Variants in TRPM3 observed in about 807,000 individuals in gnomAD.
TRPM3 encodes the protein transient receptor potential cation channel subfamily M member 3, also known as long transient receptor potential channel 3.
Under a neutral mutation model 181.2 loss-of-function variants are expected in TRPM3, and 77 were observed. The ratio of observed to expected loss-of-function variants is 0.42; its 90% CI spans 0.35 to 0.51. The LOEUF is 0.51. Ranked by LOEUF, TRPM3 falls within the 20% of genes least tolerant of loss-of-function variation. The pLI, the probability that TRPM3 is intolerant of heterozygous loss-of-function variation, is 0.01. For missense variants in TRPM3, 1,759 were observed against 2,196.7 expected (o/e 0.80, Z 3.98); for synonymous variants, 745 against 796.4 (o/e 0.94, Z 1.09).
chr9:70,580,675 C>T (rs1028220565), intron 22 of TRPM3, among the ~76,000 whole-genome samples: 2 of 152,168 alleles, frequency 1.3e-5, no homozygotes, highest in Non-Finnish European at 2.9e-5. Context: ...ATAACAGTCC[C>T]TCTGTTTAGA....
chr9:71,235,778 T>C (rs1405258450), intron 1 of TRPM3, among the ~76,000 whole-genome samples: 2 of 152,212 alleles, frequency 1.3e-5, no homozygotes, highest in Non-Finnish European at 1.5e-5. Context: ...AATCTGGATG[T>C]TTCCCAGAAA....
chr9:70,942,261 T>C (rs1473237851), intron 1 of TRPM3, among the ~76,000 whole-genome samples: 1 of 152,192 alleles, frequency 6.6e-6, no homozygotes, highest in Non-Finnish European at 1.5e-5. Context: ...AAACAAACAG[T>C]TAGGTATGTA....
At chr9:70,907,058 C>T (rs1012519818) in intron 1 of TRPM3, among the ~76,000 whole-genome samples, 7 of 152,158 alleles carry the variant, frequency 4.6e-5, no homozygotes, top group African/African-American at 1.4e-4. Flanking sequence ...TATTACCTTA[C>T]TTTATAACAC....
intron 1 of TRPM3, among the ~76,000 whole-genome samples, chr9:71,446,223 G>A (rs903395581): frequency 6.6e-6 from 1 of 152,192 alleles, no homozygotes; most frequent in Non-Finnish European, 1.5e-5. Flanking sequence ...CAAGTGCTAA[G>A]AGAGTAAAAA....
chr9:71,309,859 T>A (rs2087749260), intron 1 of TRPM3, among the ~76,000 whole-genome samples: 1 of 152,106 alleles, frequency 6.6e-6, no homozygotes, highest in Non-Finnish European at 1.5e-5. Flanking sequence ...ATGCTATTTT[T>A]AAAAATTTCT....
At chr9:71,165,102 C>T (rs1000046705) in intron 1 of TRPM3, among the ~76,000 whole-genome samples, 3 of 152,146 alleles carry the variant, frequency 2.0e-5, no homozygotes, top group South Asian at 2.1e-4. Flanking sequence ...TCAGTATAGA[C>T]CAGCCCCGGA....
chr9:71,406,899 G>T (rs1228549554), intron 1 of TRPM3, among the ~76,000 whole-genome samples: 1 of 152,078 alleles, frequency 6.6e-6, no homozygotes, highest in African/African-American at 2.4e-5. Context: ...GGCTTAATAT[G>T]GGGAATTCAG....
chr9:70,950,119 T>C (rs894587779), intron 1 of TRPM3, among the ~76,000 whole-genome samples: 4 of 152,218 alleles, frequency 2.6e-5, no homozygotes, highest in Non-Finnish European at 5.9e-5. Context: ...CAAATTGAGA[T>C]GGTAAAGTCT....
At chr9:70,592,056 T>C (rs1319812932) in intron 21 of TRPM3, among the ~76,000 whole-genome samples, 1 of 152,256 alleles carries the variant, frequency 6.6e-6, no homozygotes, top group East Asian at 1.9e-4. Context: ...CCATGATGTA[T>C]GTTATTTGGG....
chr9:70,783,980 G>T (rs1244427897), intron 7 of TRPM3, 125 bp downstream of exon 7: 1 of 1,461,310 alleles, frequency 6.8e-7, no homozygotes, highest in African/African-American at 1.4e-5. Context: ...ACATTTTTTA[G>T]ACAATTTGTT....
chr9:71,064,187 T>G (rs1180800921), intron 1 of TRPM3, among the ~76,000 whole-genome samples: 2 of 152,134 alleles, frequency 1.3e-5, no homozygotes, highest in Non-Finnish European at 2.9e-5. Flanking sequence ...ACCTGGGAAT[T>G]TATTCTCTCT....
intron 25 of TRPM3, among the ~76,000 whole-genome samples, chr9:70,547,729 A>ACTTT (rs2045393330): frequency 6.6e-6 from 1 of 152,016 alleles, no homozygotes; most frequent in African/African-American, 2.4e-5. Flanking sequence ...GGACACAGGG[A>ACTTT]AGGTGGGTCT....
chr9:70,808,052 C>T (rs62545986), intron 6 of TRPM3, among the ~76,000 whole-genome samples: 75 of 151,910 alleles, frequency 4.9e-4, no homozygotes, highest in African/African-American at 1.7e-3. Context: ...ATGGGACATA[C>T]GATCTACATG....
chr9:70,854,258 C>A (rs1324027739), intron 3 of TRPM3, among the ~76,000 whole-genome samples: 1 of 152,220 alleles, frequency 6.6e-6, no homozygotes, highest in Non-Finnish European at 1.5e-5. Context: ...GAGCATTACT[C>A]TGATGTGGTG....
At chr9:71,361,283 C>T (rs900431105) in intron 1 of TRPM3, among the ~76,000 whole-genome samples, 13 of 152,104 alleles carry the variant, frequency 8.5e-5, no homozygotes, top group Non-Finnish European at 1.5e-4. Flanking sequence ...ATGGGTTTTG[C>T]GATTTCAAAA....
chr9:70,828,964 A>G (rs1158664445), intron 5 of TRPM3, among the ~76,000 whole-genome samples: 3 of 152,128 alleles, frequency 2.0e-5, no homozygotes, highest in Non-Finnish European at 4.4e-5. Flanking sequence ...CAGTGGAAAC[A>G]TAAGATGATG....
intron 25 of TRPM3, among the ~76,000 whole-genome samples, chr9:70,538,120 A>G (rs1341029217): frequency 6.6e-6 from 1 of 152,220 alleles, no homozygotes; most frequent in Non-Finnish European, 1.5e-5. Flanking sequence ...AATTTAACCA[A>G]GATTGCATAA....
At chr9:71,031,886 G>T (rs1351969742) in intron 1 of TRPM3, among the ~76,000 whole-genome samples, 1 of 140,758 alleles carries the variant, frequency 7.1e-6, no homozygotes, top group East Asian at 2.0e-4. Context: ...CATCCAACAT[G>T]TATTTACTAA....
intron 7 of TRPM3, among the ~76,000 whole-genome samples, chr9:70,770,249 A>G (rs928637598): frequency 6.6e-6 from 1 of 152,120 alleles, no homozygotes; most frequent in Non-Finnish European, 1.5e-5. Flanking sequence ...ATTTGGTTCT[A>G]TTTCTGGATA....
Sources: allele counts gnomAD v4.1 joint callset (sites outside exome capture counted in the v4.1 genomes callset), GRCh38; gene constraint gnomAD v4.1.1; transcripts MANE v1.5; gene names NCBI Gene and HGNC (gene_info 2026-07-23, HGNC 2026-07-21).